PCDHA9: variants seen among roughly 807,000 people sequenced by gnomAD.
PCDHA9 encodes protocadherin alpha-9.
A neutral mutation model predicts 62.0 loss-of-function variants in PCDHA9; 62 were observed. That is an observed-to-expected ratio of 1.00 (90% CI 0.81 to 1.23). The LOEUF is 1.23. Among genes scored for constraint, PCDHA9 ranks in the 50% most tolerant of loss-of-function variants. The probability of loss-of-function intolerance (pLI) is 0.00; values close to 1 mark genes in which losing one functional copy is unlikely to be tolerated. For missense variants in PCDHA9, 1,205 were observed against 1,249.8 expected, an observed-to-expected ratio of 0.96 and a Z score of 0.54; for synonymous variants, 557 against 567.6, an observed-to-expected ratio of 0.98 and a Z score of 0.27.
intron 1 of PCDHA9, chr5:140,927,739 CG>C: frequency 1.2e-6 from 2 of 1,614,212 alleles, no homozygotes; most frequent in Non-Finnish European, 1.7e-6. Flanking sequence ...GCTGCGACAC[CG>C]CTTTCACGTG....
intron 1 of PCDHA9, among the ~76,000 whole-genome samples, chr5:140,899,260 T>A (rs2153463432): frequency 6.6e-6 from 1 of 152,272 alleles, no homozygotes; most frequent in South Asian, 2.1e-4. Context: ...GGCATCCCTG[T>A]CTTGTGGCAG....
intron 1 of PCDHA9, chr5:140,869,076 C>T (rs367613564): frequency 1.9e-6 from 3 of 1,577,816 alleles, no homozygotes; most frequent in African/African-American, 2.7e-5. Context: ...TGTAAAGAAG[C>T]TTATTTTGGA....
chr5:140,985,928 C>A (rs1001132600), intron 3 of PCDHA9, among the ~76,000 whole-genome samples: 2 of 151,534 alleles, frequency 1.3e-5, no homozygotes, highest in Non-Finnish European at 2.9e-5. Flanking sequence ...TTTAGTAGAG[C>A]CGGGGTTTCA....
intron 1 of PCDHA9, among the ~76,000 whole-genome samples, chr5:140,978,010 T>G (rs2096785841): frequency 6.6e-6 from 1 of 152,156 alleles, no homozygotes; most frequent in African/African-American, 2.4e-5. Flanking sequence ...TTTTTCACAG[T>G]GACATTTTTG....
chr5:140,981,144 A>G (rs1245688386), intron 2 of PCDHA9, among the ~76,000 whole-genome samples: 1 of 152,238 alleles, frequency 6.6e-6, no homozygotes, highest in African/African-American at 2.4e-5. Flanking sequence ...GAGTGAGAAA[A>G]CATTGAACTT....
At position 140,959,344 on chromosome 5, in the gene PCDHA9, C is replaced by T. The variant is rs541663379; in HGVS notation, c.2395-19605C>T. Among the ~76,000 whole-genome samples the T allele has an allele frequency of 2.0e-4, 30 of 152,112 alleles. No individual in the cohort carries two copies. The South Asian group carries it at 6.0e-3, about 31-fold the overall frequency. On this transcript the variant is annotated intron_variant, in intron 1 of 3. Coordinates refer to ENST00000532602, the MANE Select transcript of PCDHA9 (RefSeq NM_031857.2). Reference sequence around the variant, plus strand: ...AAGTTTTGATTATGCTACTGCACTCCAGCGGGACAACTGAGTGAGACCCTG... The same window carrying T: ...AAGTTTTGATTATGCTACTGCACTCTAGCGGGACAACTGAGTGAGACCCTG...
chr5:140,912,532 G>T (rs1554195398), intron 1 of PCDHA9, among the ~76,000 whole-genome samples: 1 of 152,092 alleles, frequency 6.6e-6, no homozygotes, highest in African/African-American at 2.4e-5. Flanking sequence ...CAGAGTACAT[G>T]ATCATATTGT....
intron 1 of PCDHA9, among the ~76,000 whole-genome samples, chr5:140,874,947 T>C (rs2055188699): frequency 6.6e-6 from 1 of 152,240 alleles, no homozygotes; most frequent in African/African-American, 2.4e-5. Flanking sequence ...AACAGCGGAA[T>C]TGTAAGCTAT....
chr5:140,937,195 G>A lies in PCDHA9; in HGVS notation c.2395-41754G>A, dbSNP rs371063672. On this transcript the variant is annotated intron_variant, in intron 1 of 3. Coordinates refer to ENST00000532602, the MANE Select transcript of PCDHA9 (RefSeq NM_031857.2). ...TGGGACTACAGGCGCCCGCCACCAT[G>A]CCCGGCTAATTTTTTGTATTTTTTG... Among the ~76,000 whole-genome samples the A allele has an allele frequency of 1.5e-3, 231 of 151,994 alleles. 5 individuals are homozygous for A. The South Asian group carries it at 0.033, about 22-fold the overall frequency.
At chr5:140,973,007 G>T (rs2096567856) in intron 1 of PCDHA9, among the ~76,000 whole-genome samples, 1 of 152,160 alleles carries the variant, frequency 6.6e-6, no homozygotes, top group Non-Finnish European at 1.5e-5. Context: ...TGTGGTCGTG[G>T]TGTTGTGATT....
At chr5:140,862,429 A>G (rs2047360800) in intron 1 of PCDHA9, 1 of 354,378 alleles carries the variant, frequency 2.8e-6, no homozygotes, top group Admixed American at 3.8e-5. Context: ...CCCAGAAACT[A>G]TTCGTTGGTA....
In PCDHA9 at chr5:140,871,203, C is replaced by A. The variant is rs369236762; in HGVS notation, c.2394+20314C>A. On this transcript the variant is annotated intron_variant, in intron 1 of 3. Transcript: ENST00000532602. ...TGGTGGATGTCAACGTGTACCTGAT[C>A]ATCGCCATCTGCGTGGTGTCCAGCC... The A allele has an allele frequency of 6.3e-5, 101 of 1,613,744 alleles. No homozygotes were observed. The African/African-American group carries it at 1.3e-3, about 21-fold the overall frequency.
intron 1 of PCDHA9, among the ~76,000 whole-genome samples, chr5:140,948,792 T>C (rs1215416836): frequency 6.6e-6 from 1 of 151,646 alleles, no homozygotes; most frequent in Non-Finnish European, 1.5e-5. Context: ...TTTGTTGATA[T>C]ATTTTCTATT....
chr5:140,875,242 TA>T, intron 1 of PCDHA9: 2 of 943,026 alleles, frequency 2.1e-6, no homozygotes, highest in Non-Finnish European at 3.0e-6. Flanking sequence ...TGTACTTACA[TA>T]ATCAGTCACA....
At chr5:140,995,060 A>C (rs1424126097) in intron 3 of PCDHA9, among the ~76,000 whole-genome samples, 2 of 152,204 alleles carry the variant, frequency 1.3e-5, no homozygotes, top group African/African-American at 2.4e-5. Context: ...AATTTTCAAA[A>C]ATCAACCTAC....
intron 1 of PCDHA9, chr5:140,856,704 C>CAGT (rs2150363917): frequency 6.3e-7 from 1 of 1,596,654 alleles, no homozygotes; most frequent in East Asian, 2.2e-5. Flanking sequence ...GGAGGCAAAC[C>CAGT]TGAATTTACC....
intron 1 of PCDHA9, among the ~76,000 whole-genome samples, chr5:140,953,756 G>C (rs2094932328): frequency 6.6e-6 from 1 of 152,208 alleles, no homozygotes; most frequent in South Asian, 2.1e-4. Context: ...ATTTATCCAA[G>C]AATTAAATTT....
At chr5:140,932,415 T>C (rs1183410119) in intron 1 of PCDHA9, among the ~76,000 whole-genome samples, 2 of 151,922 alleles carry the variant, frequency 1.3e-5, no homozygotes, top group African/African-American at 4.8e-5. Context: ...GTTATATTAG[T>C]GTATTGTTCA....
intron 1 of PCDHA9, among the ~76,000 whole-genome samples, chr5:140,949,466 G>A (rs2094383684): frequency 6.6e-6 from 1 of 151,662 alleles, no homozygotes; most frequent in Non-Finnish European, 1.5e-5. Flanking sequence ...TTGAAGCCCT[G>A]TTATTAGGCA....
Sources: gnomAD v4.1 joint callset for allele counts (sites outside exome capture counted in the v4.1 genomes callset) on GRCh38, gnomAD v4.1.1 for gene constraint, MANE v1.5 for transcripts, NCBI Gene and HGNC (gene_info 2026-07-23, HGNC 2026-07-21) for gene names.